CSMD1: variants seen among roughly 807,000 people sequenced by gnomAD.
CSMD1 encodes the protein CUB and Sushi multiple domains 1, also known as CUB and sushi domain-containing protein 1.
CSMD1 carries 213 observed loss-of-function variants against 417.5 expected under a neutral mutation model. That is an observed-to-expected ratio of 0.51 (90% CI 0.46 to 0.57). The LOEUF is 0.57. Ranked by LOEUF, CSMD1 falls within the 20% of genes least tolerant of loss-of-function variation. The pLI is 0.00. For synonymous variants in CSMD1, 2,862 were observed against 1,736.8 expected (o/e 1.65, Z -16.11); for missense variants, 6,923 against 4,529.7 (o/e 1.53, Z -15.17).
At chr8:4,510,667 C>T (rs1189706116) in intron 2 of CSMD1, among the ~76,000 whole-genome samples, 3 of 144,470 alleles carry the variant, frequency 2.1e-5, no homozygotes, top group Admixed American at 1.4e-4. Context: ...TTCCGTCTTC[C>T]TTTCCTTCCC....
intron 7 of CSMD1, among the ~76,000 whole-genome samples, chr8:3,655,318 A>C (rs1798046250): frequency 6.6e-6 from 1 of 152,216 alleles, no homozygotes; most frequent in Admixed American, 6.5e-5. Context: ...TTTCTTAAAA[A>C]TAATTCCCAC....
intron 2 of CSMD1, among the ~76,000 whole-genome samples, chr8:4,432,505 G>C (rs1585065403): frequency 6.6e-6 from 1 of 152,246 alleles, no homozygotes; most frequent in East Asian, 1.9e-4. Context: ...ACTAACTGCT[G>C]GTAAATGCTC....
chr8:4,745,196 G>C (rs7846372), intron 1 of CSMD1, among the ~76,000 whole-genome samples: 2 of 152,088 alleles, frequency 1.3e-5, no homozygotes, highest in African/African-American at 4.8e-5. Context: ...CCTTAATTTT[G>C]TATACATACA....
chr8:3,332,165 A>G (rs1370202206), intron 23 of CSMD1, among the ~76,000 whole-genome samples: 5 of 152,260 alleles, frequency 3.3e-5, no homozygotes, highest in Admixed American at 3.3e-4. Context: ...TGAGATATCT[A>G]TTAGATGCAC....
At chr8:4,059,088 C>T (rs566436632) in intron 3 of CSMD1, among the ~76,000 whole-genome samples, 4 of 152,286 alleles carry the variant, frequency 2.6e-5, no homozygotes, top group East Asian at 3.9e-4. Flanking sequence ...TTATAACAAA[C>T]TGTCTCTCAG....
intron 1 of CSMD1, among the ~76,000 whole-genome samples, chr8:4,758,750 C>T (rs1360630654): frequency 1.3e-5 from 2 of 152,186 alleles, no homozygotes; most frequent in African/African-American, 4.8e-5. Flanking sequence ...TTAATGAAAC[C>T]ACCAGATCTG....
chr8:3,628,331 C>T (rs746642815), intron 7 of CSMD1, among the ~76,000 whole-genome samples: 14 of 152,166 alleles, frequency 9.2e-5, no homozygotes, highest in Non-Finnish European at 1.6e-4. Flanking sequence ...ACCATCCTGC[C>T]TGCCCACACC....
In CSMD1 at chr8:4,604,605, A is replaced by G. The variant is rs552104201; in HGVS notation, c.302+32737T>C. 7.9e-5 allele frequency among the ~76,000 whole-genome samples: 12 copies of G among 152,288 alleles called. No homozygotes were observed. The East Asian group carries it at 1.7e-3, about 22-fold the overall frequency. On this transcript the variant is annotated intron_variant, in intron 2 of 69. Coordinates refer to ENST00000635120, the MANE Select transcript of CSMD1 (RefSeq NM_033225.6). ...AGAATACCTAGCTTAAAAATGTTAA[A>G]AAGTGAAACTAAAGTTAAATCTCTG...
intron 5 of CSMD1, among the ~76,000 whole-genome samples, chr8:3,939,867 G>T (rs755041476): frequency 6.6e-6 from 1 of 152,058 alleles, no homozygotes; most frequent in Non-Finnish European, 1.5e-5. Flanking sequence ...TGGGAGAAGG[G>T]TAGGAAGCGG....
intron 3 of CSMD1, among the ~76,000 whole-genome samples, chr8:4,395,428 C>A (rs537465778): frequency 2.0e-5 from 3 of 150,780 alleles, no homozygotes; most frequent in East Asian, 2.0e-4. Flanking sequence ...ATAAAAAAAA[C>A]AAGAAAAGCA....
intron 11 of CSMD1, among the ~76,000 whole-genome samples, chr8:3,489,012 T>A (rs1818217938): frequency 6.6e-6 from 1 of 152,208 alleles, no homozygotes; most frequent in African/African-American, 2.4e-5. Flanking sequence ...AGGCACTACA[T>A]GTTTAGTGAT....
intron 2 of CSMD1, among the ~76,000 whole-genome samples, chr8:4,591,696 T>C (rs1487709945): frequency 6.6e-6 from 1 of 152,102 alleles, no homozygotes; most frequent in Non-Finnish European, 1.5e-5. Flanking sequence ...AATTTTAATA[T>C]AAATATGCAA....
At chr8:4,151,897 G>C (rs996280677) in intron 3 of CSMD1, among the ~76,000 whole-genome samples, 3 of 152,146 alleles carry the variant, frequency 2.0e-5, no homozygotes, top group Non-Finnish European at 4.4e-5. Flanking sequence ...TTAGAGGGCA[G>C]AGAAGTCCAT....
chr8:4,274,946 G>C (rs897556952), intron 3 of CSMD1, among the ~76,000 whole-genome samples: 1 of 152,292 alleles, frequency 6.6e-6, no homozygotes, highest in Admixed American at 6.5e-5. Flanking sequence ...TTTCTTGAGA[G>C]CCATCAACAA....
In CSMD1 at chr8:3,650,124, C is replaced by T. The variant is rs543929853; in HGVS notation, c.1010-33327G>A. On this transcript the variant is annotated intron_variant, in intron 7 of 69. Transcript: ENST00000635120. ...TGAAACCTTGTCTCTACTAAAAATA[C>T]AAAACTTAGCCAGGCATGGTGGTGG... 2.6e-5 allele frequency among the ~76,000 whole-genome samples: 4 copies of T among 152,040 alleles called. No individual in the cohort carries two copies. In the East Asian group the frequency reaches 7.8e-4, roughly 30 times the overall value.
chr8:3,214,731 T>C (rs1797793190), intron 29 of CSMD1, 40 bp from the exon 30 acceptor site: 1 of 1,476,842 alleles, frequency 6.8e-7, no homozygotes, highest in Non-Finnish European at 9.1e-7. Context: ...AGAGCAGGGA[T>C]CTTATTCTTG....
intron 5 of CSMD1, among the ~76,000 whole-genome samples, chr8:3,944,694 A>G (rs1431276360): frequency 6.6e-6 from 1 of 152,190 alleles, no homozygotes; most frequent in Non-Finnish European, 1.5e-5. Context: ...CTATGTTGAA[A>G]ATGCCTCAGG....
intron 6 of CSMD1, among the ~76,000 whole-genome samples, chr8:3,709,596 A>AG (rs1355203301): frequency 6.0e-5 from 9 of 150,606 alleles, no homozygotes; most frequent in Admixed American, 2.6e-4. Flanking sequence ...AGTCAGATGA[A>AG]GGCCCAAATA....
At chr8:4,027,386 A>C (rs141904730) in intron 4 of CSMD1, among the ~76,000 whole-genome samples, 5 of 152,130 alleles carry the variant, frequency 3.3e-5, no homozygotes, top group African/African-American at 1.2e-4. Flanking sequence ...TAATCCCCTA[A>C]TCCCCATGAG....
Sources: allele counts gnomAD v4.1 joint callset (sites outside exome capture counted in the v4.1 genomes callset), GRCh38; gene constraint gnomAD v4.1.1; transcripts MANE v1.5; gene names NCBI Gene and HGNC (gene_info 2026-07-23, HGNC 2026-07-21).